The following DLC1 variants were observed in gnomAD, a reference collection of about 807,000 sequenced individuals.
DLC1 encodes DLC1 Rho GTPase activating protein, also known as rho GTPase-activating protein 7.
In DLC1, 54 loss-of-function variants were observed where a neutral mutation model predicts 140.3. That is an observed-to-expected ratio of 0.38 (90% confidence interval 0.31 to 0.48). The LOEUF (loss-of-function observed/expected upper bound fraction) is 0.48. Among genes scored for constraint, DLC1 ranks in the 20% least tolerant of loss-of-function variants. DLC1 has a pLI of 0.96. For missense variants in DLC1, 2,536 were observed against 1,907.0 expected (o/e 1.33, Z -6.14); for synonymous variants, 986 against 728.1 (o/e 1.35, Z -5.70).
At chr8:13,284,526 GA>G (rs200317845) in intron 5 of DLC1, among the ~76,000 whole-genome samples, 1 of 151,294 alleles carries the variant, frequency 6.6e-6, no homozygotes, top group Admixed American at 6.6e-5. Flanking sequence ...GATTCCGTCT[GA>G]AAAAAAAGTG....
At chr8:13,110,185 G>A (rs952195557) in intron 7 of DLC1, among the ~76,000 whole-genome samples, 2 of 152,154 alleles carry the variant, frequency 1.3e-5, no homozygotes. Context: ...CTCTCAGCTT[G>A]AAGACCCAAA....
intron 5 of DLC1, among the ~76,000 whole-genome samples, chr8:13,218,576 T>G (rs1828325123): frequency 6.6e-6 from 1 of 151,904 alleles, no homozygotes; most frequent in African/African-American, 2.4e-5. Flanking sequence ...AGTGATGTAA[T>G]GCTTCACACA....
At chr8:13,183,295 A>C (rs900418570) in intron 5 of DLC1, among the ~76,000 whole-genome samples, 6 of 152,172 alleles carry the variant, frequency 3.9e-5, no homozygotes, top group Admixed American at 2.0e-4. Flanking sequence ...TCCCTAATTG[A>C]ATACCCTTTA....
At chr8:13,425,562 A>C (rs1411646851) in intron 2 of DLC1, among the ~76,000 whole-genome samples, 1 of 152,184 alleles carries the variant, frequency 6.6e-6, no homozygotes, top group Non-Finnish European at 1.5e-5. Context: ...TGTATTTGGC[A>C]GAAGGGGAGA....
At chr8:13,544,371 CTAATT>C (rs1803586515) in intron 1 of DLC1, among the ~76,000 whole-genome samples, 1 of 152,104 alleles carries the variant, frequency 6.6e-6, no homozygotes, top group African/African-American at 2.4e-5. Context: ...TCTTATTACT[CTAATT>C]TAAATAATAC....
At chr8:13,486,813 A>G (rs1240230648) in intron 2 of DLC1, among the ~76,000 whole-genome samples, 1 of 152,244 alleles carries the variant, frequency 6.6e-6, no homozygotes, top group Non-Finnish European at 1.5e-5. Flanking sequence ...ATCCTACAAC[A>G]AAACGAAGGC....
At chr8:13,359,360 C>CGCTCAGGTAA (rs1388418576) in intron 4 of DLC1, among the ~76,000 whole-genome samples, 2 of 152,132 alleles carry the variant, frequency 1.3e-5, no homozygotes, top group African/African-American at 4.8e-5. Flanking sequence ...GGTAATGTTA[C>CGCTCAGGTAA]GCTCAGGTAA....
At chr8:13,366,292 A>G (rs1835475991) in intron 4 of DLC1, among the ~76,000 whole-genome samples, 2 of 152,172 alleles carry the variant, frequency 1.3e-5, no homozygotes, top group Admixed American at 1.3e-4. Context: ...ACTTTAATTC[A>G]TTGAGAAAAT....
At chr8:13,458,587 A>G (rs533761611) in intron 2 of DLC1, among the ~76,000 whole-genome samples, 29 of 152,332 alleles carry the variant, frequency 1.9e-4, no homozygotes, top group African/African-American at 6.7e-4. Flanking sequence ...ACACTGTGCA[A>G]TGTCTAAAAA....
At chr8:13,590,862 CA>C (rs1805493432) in intron 1 of DLC1, among the ~76,000 whole-genome samples, 1 of 152,006 alleles carries the variant, frequency 6.6e-6, no homozygotes, top group Non-Finnish European at 1.5e-5. Flanking sequence ...AACTTAAGCA[CA>C]AATACAAATA....
rs117723474 is a variant in DLC1 at position 13,367,482 on chromosome 8, C to A, written c.1314+26071G>T. ...AAAAGCAAAAAGCAGCCTCCACCTA[C>A]CAAAGATCTTCCCATGAATTGTTTT... On this transcript the variant is annotated intron_variant, in intron 4 of 17. Transcript: ENST00000276297. Among the ~76,000 whole-genome samples the A allele has an allele frequency of 1.4e-4, 22 of 152,296 alleles. No homozygotes were observed. In the East Asian group the frequency reaches 4.2e-3, roughly 29 times the overall value.
intron 1 of DLC1, among the ~76,000 whole-genome samples, chr8:13,554,907 CATG>C (rs1289628030): frequency 6.6e-6 from 1 of 152,240 alleles, no homozygotes; most frequent in African/African-American, 2.4e-5. Context: ...CAAGGCCCTA[CATG>C]ATTGGGTTTT....
chr8:13,170,018 C>CA (rs896717031), intron 5 of DLC1, among the ~76,000 whole-genome samples: 23 of 151,230 alleles, frequency 1.5e-4, no homozygotes, highest in Admixed American at 3.3e-4. Context: ...GACCTTGTCT[C>CA]AAAAAAATAA....
At chr8:13,386,025 G>T (rs1836506204) in intron 4 of DLC1, among the ~76,000 whole-genome samples, 1 of 152,164 alleles carries the variant, frequency 6.6e-6, no homozygotes, top group Admixed American at 6.5e-5. Context: ...GATGTGGCAT[G>T]CTGTTGGCTT....
intron 1 of DLC1, among the ~76,000 whole-genome samples, chr8:13,504,214 C>A (rs1801949773): frequency 1.3e-5 from 2 of 151,282 alleles, no homozygotes; most frequent in African/African-American, 4.9e-5. Context: ...GCAACCTCTG[C>A]CTCCTGGGTT....
At chr8:13,398,792 C>G (rs1246574405) in intron 3 of DLC1, among the ~76,000 whole-genome samples, 1 of 151,982 alleles carries the variant, frequency 6.6e-6, no homozygotes, top group African/African-American at 2.4e-5. Context: ...AGGATGGAGA[C>G]AGATCAGTAT....
In DLC1 at chr8:13,100,934, T is replaced by A. The variant is rs982671428; in HGVS notation, c.1567-164A>T. 9 of 704,602 alleles carry A rather than the reference T, an allele frequency of 1.3e-5. No individual in the cohort carries two copies. In the East Asian group the frequency reaches 2.9e-4, roughly 23 times the overall value. 43.6% of individuals were successfully genotyped at this position (704,602 alleles called of 1,614,324 possible). A position where few individuals can be genotyped will look rare whatever the true frequency, so the allele number is the denominator to read the frequency against. ...TTTTTTTTTTTTTTTAAAAATAGGG[T>A]CTCACTCTGTTGTACAGGCTGTATT... On this transcript the variant is annotated intron_variant, in intron 8 of 17. Coordinates refer to ENST00000276297, the MANE Select transcript of DLC1 (RefSeq NM_182643.3).
In DLC1 at chr8:13,499,343, A is replaced by G; in HGVS notation, c.729T>C (p.Asp243=). ...QQRRKPDPPK[D]ENERSTCNVV... is the part of the protein sequence containing the mutation. ...CATTGCAGGTGCTTCTTTCATTTTC[A>G]TCTTTAGGGGGGTCAGGTTTCCTTC... The change falls in exon 2 of 18, where the codon GAT becomes GAC. Residue 243 remains aspartate (D), a synonymous_variant. Coordinates refer to ENST00000276297, the MANE Select transcript of DLC1 (RefSeq NM_182643.3). 4.3e-6 allele frequency: 7 copies of G among 1,613,966 alleles called. No homozygotes were observed. The highest frequency in any genetic ancestry group is 5.9e-6 in the Non-Finnish European group (7 of 1,179,996).
At position 13,357,396 on chromosome 8, in the gene DLC1, G is replaced by T. The variant is rs137901535; in HGVS notation, c.1314+36157C>A. On this transcript the variant is annotated intron_variant, in intron 4 of 17. Transcript: ENST00000276297. Reference sequence around the variant, plus strand: ...TATGTCTTTGGACAAATTTACCCCAGTTTGACTTCTGCTGCTAAGACTCCA... The same window carrying T: ...TATGTCTTTGGACAAATTTACCCCATTTTGACTTCTGCTGCTAAGACTCCA... Among the ~76,000 whole-genome samples, 481 of 152,324 alleles carry T rather than the reference G, an allele frequency of 3.2e-3. 3 individuals are homozygous for T. The highest frequency in any genetic ancestry group is 0.011 in the African/African-American group (457 of 41,586).
Sources: gnomAD v4.1 joint callset for allele counts (sites outside exome capture counted in the v4.1 genomes callset) on GRCh38, gnomAD v4.1.1 for gene constraint, MANE v1.5 for transcripts, NCBI Gene and HGNC (gene_info 2026-07-23, HGNC 2026-07-21) for gene names.